Variants in PCDHGA4 observed in about 807,000 individuals in gnomAD.
PCDHGA4 encodes protocadherin gamma-A4.
In PCDHGA4, 38 loss-of-function variants were observed where a neutral mutation model predicts 54.6. The observed-to-expected ratio is 0.70, with a 90% CI of 0.54 to 0.91. The LOEUF (loss-of-function observed/expected upper bound fraction) is 0.91. Ranked by LOEUF, PCDHGA4 falls within the 40% of genes least tolerant of loss-of-function variation. PCDHGA4 has a pLI of 0.00. For synonymous variants in PCDHGA4, 511 were observed against 512.9 expected (o/e 1.00, Z 0.05); for missense variants, 1,298 against 1,220.9 (o/e 1.06, Z -0.94).
chr5:141,364,478 A>G (rs1225637792), intron 1 of PCDHGA4: 1 of 1,613,934 alleles, frequency 6.2e-7, no homozygotes, highest in Non-Finnish European at 8.5e-7. Context: ...CAACATAGCC[A>G]AGGACCTTGG....
intron 1 of PCDHGA4, chr5:141,385,030 C>T (rs1448535123): frequency 6.2e-7 from 1 of 1,614,070 alleles, no homozygotes; most frequent in Non-Finnish European, 8.5e-7. Flanking sequence ...CGTCCTCGTA[C>T]TGCTGGCGCT....
At position 141,485,343 on chromosome 5, in the gene PCDHGA4, A is replaced by G; in HGVS notation, c.2515-9464A>G. ...GCTCAAGATTTCCTGCTGGATACGG[A>G]CAGTCTGTCAGCTCGCAGGCTGCAG... On this transcript the variant is annotated intron_variant, in intron 1 of 3. Transcript: ENST00000571252. This position sits in a 1 kb window ranked among gnomAD's most constrained non-coding sequence, Gnocchi z 5.7. 1 of 1,614,062 alleles carries G rather than the reference A, an allele frequency of 6.2e-7. No homozygotes were observed. Among genetic ancestry groups the G allele is most frequent in the Non-Finnish European group, 8.5e-7 (1 of 1,179,984 alleles).
chr5:141,365,349 T>A, intron 1 of PCDHGA4: 1 of 1,613,944 alleles, frequency 6.2e-7, no homozygotes, highest in Non-Finnish European at 8.5e-7. Context: ...GTACAGGACG[T>A]GAATGACAAT....
At chr5:141,403,403 C>T in intron 1 of PCDHGA4, 5 of 1,614,066 alleles carry the variant, frequency 3.1e-6, no homozygotes, top group Non-Finnish European at 4.2e-6. Context: ...TCCTGGAGCA[C>T]GTTATCCACT....
At chr5:141,434,331 T>C (rs1271938024) in intron 1 of PCDHGA4, among the ~76,000 whole-genome samples, 3 of 152,186 alleles carry the variant, frequency 2.0e-5, no homozygotes, top group Non-Finnish European at 4.4e-5. Context: ...GCTTGTCTCT[T>C]TGTGTCGGGA....
chr5:141,419,566 C>T (rs765992004), intron 1 of PCDHGA4: 4 of 1,611,790 alleles, frequency 2.5e-6, no homozygotes, highest in East Asian at 2.2e-5. Flanking sequence ...CGCTGGGTCC[C>T]GACGGCTCCG....
chr5:141,376,015 G>A, intron 1 of PCDHGA4: 7 of 1,613,364 alleles, frequency 4.3e-6, no homozygotes, highest in Non-Finnish European at 5.9e-6. Context: ...GCCTAGTGGT[G>A]GCCGTCCAGG....
At chr5:141,385,619 T>C (rs1478717188) in intron 1 of PCDHGA4, 1 of 1,064,028 alleles carries the variant, frequency 9.4e-7, no homozygotes, top group Non-Finnish European at 1.2e-6. Flanking sequence ...ATTTTATACA[T>C]TGGAATGAAT....
intron 1 of PCDHGA4, chr5:141,430,540 G>T: frequency 2.6e-6 from 1 of 386,954 alleles, no homozygotes; most frequent in Admixed American, 4.2e-5. Flanking sequence ...GACTCTGAGC[G>T]CCGCTGTTCA....
intron 1 of PCDHGA4, chr5:141,410,275 C>A: frequency 6.2e-7 from 1 of 1,614,038 alleles, no homozygotes; most frequent in Non-Finnish European, 8.5e-7. Context: ...TGCAGTTTTA[C>A]CTGGTGGTGG....
At chr5:141,462,039 T>A (rs569871892) in intron 1 of PCDHGA4, among the ~76,000 whole-genome samples, 1 of 152,276 alleles carries the variant, frequency 6.6e-6, no homozygotes, top group Non-Finnish European at 1.5e-5. Flanking sequence ...GTCAGGCGGG[T>A]CTTGAACTCC....
intron 1 of PCDHGA4, chr5:141,426,685 A>C (rs1342844985): frequency 4.6e-6 from 2 of 432,608 alleles, no homozygotes; most frequent in African/African-American, 2.0e-5. Flanking sequence ...CATTTTCCCC[A>C]AAATAGCATT....
intron 1 of PCDHGA4, chr5:141,400,431 A>G (rs542969819): frequency 3.0e-5 from 48 of 1,614,034 alleles, no homozygotes; most frequent in African/African-American, 1.1e-4. Context: ...GTAGTGAGCA[A>G]TTGAGTTCAG....
Position 141,355,438 on chromosome 5 carries a change from C to T in PCDHGA4, c.331C>T (p.Arg111Cys). The T allele has an allele frequency of 1.9e-6, 3 of 1,614,084 alleles. No individual in the cohort carries two copies. The highest frequency in any genetic ancestry group is 2.5e-6 in the Non-Finnish European group (3 of 1,179,926). The change falls in exon 1 of 4, where the codon CGC becomes TGC. Residue 111 changes from arginine (R) to cysteine (C), a missense_variant. Arg to Cys is a radical substitution (Grantham distance 180). Coordinates refer to ENST00000571252, the MANE Select transcript of PCDHGA4 (RefSeq NM_018917.4). ...GRTQLFALNP[R>C]SGTLVTAGRI... is the part of the protein sequence containing the mutation. ...GACGCAGCTTTTCGCCCTGAACCCG[C>T]GCAGCGGCACCTTGGTCACCGCGGG...
At chr5:141,393,284 T>C (rs1462333832) in intron 1 of PCDHGA4, 10 of 1,613,870 alleles carry the variant, frequency 6.2e-6, no homozygotes, top group African/African-American at 2.7e-5. Flanking sequence ...TCCCAGAAGC[T>C]GTTGACCCGG....
At position 141,355,875 on chromosome 5, in the gene PCDHGA4, T is replaced by A; in HGVS notation, c.768T>A (p.Thr256=). Residue 256 remains threonine (T), a synonymous_variant, in exon 1 of 4, where the codon ACT becomes ACA. Transcript: ENST00000571252. ...FDGGDPVRSG[T]ARILIILVDT... Reference sequence around the variant, plus strand: ...GAGGTGACCCGGTTCGCTCTGGCACTGCCAGGATTCTCATAATACTTGTGG... The same window carrying A: ...GAGGTGACCCGGTTCGCTCTGGCACAGCCAGGATTCTCATAATACTTGTGG... 6.2e-7 allele frequency: 1 copy of A among 1,613,100 alleles called. No individual in the cohort carries two copies. The highest frequency in any genetic ancestry group is 8.5e-7 in the Non-Finnish European group (1 of 1,179,552).
At chr5:141,497,677 C>T in intron 2 of PCDHGA4, among the ~76,000 whole-genome samples, 1 of 151,836 alleles carries the variant, frequency 6.6e-6, no homozygotes, top group East Asian at 1.9e-4. Context: ...GTAGCTGGGA[C>T]AGCAGGTGTG....
intron 1 of PCDHGA4, chr5:141,374,296 G>C (rs779933812): frequency 6.2e-7 from 1 of 1,613,974 alleles, no homozygotes; most frequent in Non-Finnish European, 8.5e-7. Flanking sequence ...CCAGAGGTAG[G>C]ATGCAGCTTT....
chr5:141,450,450 C>T (rs964666176), intron 1 of PCDHGA4, among the ~76,000 whole-genome samples: 5 of 151,996 alleles, frequency 3.3e-5, no homozygotes, highest in African/African-American at 9.7e-5. Context: ...TTTTATGTTT[C>T]CTCGTGATTT....
Sources: allele counts gnomAD v4.1 joint callset (sites outside exome capture counted in the v4.1 genomes callset), GRCh38; gene constraint gnomAD v4.1.1; non-coding constraint Gnocchi (gnomAD v3.1); transcripts MANE v1.5; gene names NCBI Gene and HGNC (gene_info 2026-07-23, HGNC 2026-07-21).